The following SLC1A7 variants were observed in gnomAD, a reference collection of about 807,000 sequenced individuals.
The protein encoded by SLC1A7 is excitatory amino acid transporter 5.
In SLC1A7, 40 loss-of-function variants were observed where a neutral mutation model predicts 47.7. The ratio of observed to expected loss-of-function variants is 0.84; its 90% confidence interval spans 0.65 to 1.09. The LOEUF (loss-of-function observed/expected upper bound fraction) is 1.09. Ranked by LOEUF, SLC1A7 falls within the 50% of genes least tolerant of loss-of-function variation. SLC1A7 has a pLI of 0.00. For missense variants in SLC1A7, 746 were observed against 769.5 expected (o/e 0.97, Z 0.36); for synonymous variants, 323 against 325.6 (o/e 0.99, Z 0.09).
chr1:53,117,152 T>C lies in SLC1A7; in HGVS notation c.216-2179A>G, dbSNP rs986592759. On this transcript the variant is annotated intron_variant, in intron 2 of 10. Coordinates refer to ENST00000371494, the MANE Select transcript of SLC1A7 (RefSeq NM_006671.6). ...TTGGAAATGGGAGAGGATTTGGAGA[T>C]GGGGCAGACATGCGCAGCAGTGAGA... is the stretch of plus-strand genomic sequence containing the variant. Among the ~76,000 whole-genome samples, 5 of 152,164 alleles carry C rather than the reference T, an allele frequency of 3.3e-5. No individual in the cohort carries two copies. In the East Asian group the frequency reaches 9.7e-4, roughly 29 times the overall value.
chr1:53,141,391 C>T (rs1645054905), intron 1 of SLC1A7, among the ~76,000 whole-genome samples: 1 of 152,038 alleles, frequency 6.6e-6, no homozygotes, highest in Non-Finnish European at 1.5e-5. Context: ...CATCTCTCTC[C>T]CCAGGAGGTC....
At chr1:53,106,933 T>C (rs1644649023) in intron 3 of SLC1A7, among the ~76,000 whole-genome samples, 1 of 152,070 alleles carries the variant, frequency 6.6e-6, no homozygotes, top group African/African-American at 2.4e-5. Context: ...GGTGGGCACA[T>C]CACCTGAGGT....
intron 2 of SLC1A7, among the ~76,000 whole-genome samples, chr1:53,129,510 A>ATG (rs1344729285): frequency 0.022 from 2,256 of 100,730 alleles, 11 homozygotes; most frequent in Middle Eastern, 0.038. Context: ...AGTTGGACTG[A>ATG]AGCACACATG....
At chr1:53,101,113 TCACA>T (rs931315860) in intron 5 of SLC1A7, among the ~76,000 whole-genome samples, 1 of 148,518 alleles carries the variant, frequency 6.7e-6, no homozygotes, top group Non-Finnish European at 1.5e-5. Flanking sequence ...CTCGTTACAC[TCACA>T]CACACTGCCG....
chr1:53,120,253 C>G (rs891366934), intron 2 of SLC1A7, among the ~76,000 whole-genome samples: 1 of 152,146 alleles, frequency 6.6e-6, no homozygotes, highest in Non-Finnish European at 1.5e-5. Flanking sequence ...ACTCCTGACC[C>G]CATCTCACAC....
At chr1:53,094,961 C>T (rs1035916531) in intron 5 of SLC1A7, among the ~76,000 whole-genome samples, 5 of 152,238 alleles carry the variant, frequency 3.3e-5, no homozygotes, top group Non-Finnish European at 7.3e-5. Context: ...GAAAGCCCTG[C>T]TCGGAGCCGC....
At position 53,109,238 on chromosome 1, in the gene SLC1A7, G is replaced by T. The variant is rs116226089; in HGVS notation, c.432-3464C>A. 7.7e-3 allele frequency among the ~76,000 whole-genome samples: 1,171 copies of T among 152,004 alleles called. 5 individuals carry two copies. Among genetic ancestry groups the T allele is most frequent in the Non-Finnish European group, 0.012 (787 of 67,986 alleles). On this transcript the variant is annotated intron_variant, in intron 3 of 10. Transcript: ENST00000371494. ...AAACCAAGCCCTAAAGGTGGGAATT[G>T]TTCCTTCCCAAGCACAGCTCCTGGA...
At chr1:53,122,011 C>T (rs1644831480) in intron 2 of SLC1A7, among the ~76,000 whole-genome samples, 1 of 150,416 alleles carries the variant, frequency 6.6e-6, no homozygotes, top group Non-Finnish European at 1.5e-5. Context: ...TTGCGGGGAG[C>T]AGCTGGGGGG....
chr1:53,094,546 T>G (rs1476794616), intron 5 of SLC1A7, among the ~76,000 whole-genome samples: 1 of 152,192 alleles, frequency 6.6e-6, no homozygotes, highest in Admixed American at 6.5e-5. Context: ...AAGGGCTCTT[T>G]CCCTGTCCTG....
At chr1:53,110,197 C>A (rs1362519984) in intron 3 of SLC1A7, among the ~76,000 whole-genome samples, 1 of 152,174 alleles carries the variant, frequency 6.6e-6, no homozygotes, top group Non-Finnish European at 1.5e-5. Context: ...CAGAGCTAGA[C>A]GGGATCTTGA....
At chr1:53,121,221 T>C (rs1430929692) in intron 2 of SLC1A7, among the ~76,000 whole-genome samples, 2 of 152,214 alleles carry the variant, frequency 1.3e-5, no homozygotes, top group Non-Finnish European at 1.5e-5. Flanking sequence ...GCAGGGTTGC[T>C]GATGTGTGTG....
chr1:53,105,786 A>C lies in SLC1A7; in HGVS notation c.432-12T>G. The C allele has an allele frequency of 6.2e-7, 1 of 1,612,708 alleles. No homozygotes were observed. The highest frequency in any genetic ancestry group is 1.3e-5 in the African/African-American group (1 of 74,910). On this transcript the variant is annotated splice_polypyrimidine_tract_variant and intron_variant, in intron 3 of 10. Coordinates refer to ENST00000371494, the MANE Select transcript of SLC1A7 (RefSeq NM_006671.6). ...CTGGGAACATGTTCCTAGGAAGAGA[A>C]TCAGCAATTGAAAAATTCCAGAGCC... is the stretch of plus-strand genomic sequence containing the variant.
intron 1 of SLC1A7, among the ~76,000 whole-genome samples, chr1:53,140,606 T>C (rs1330837062): frequency 6.6e-6 from 1 of 152,202 alleles, no homozygotes; most frequent in East Asian, 1.9e-4. Flanking sequence ...GATGAGATGG[T>C]TCCTGATGTA....
chr1:53,111,162 C>A (rs1194834233), intron 3 of SLC1A7, among the ~76,000 whole-genome samples: 1 of 152,030 alleles, frequency 6.6e-6, no homozygotes, highest in Non-Finnish European at 1.5e-5. Flanking sequence ...AGAGGCAGAG[C>A]CTGGGAGGTC....
In SLC1A7 at chr1:53,134,219, A is replaced by C. The variant is rs561040808; in HGVS notation, c.215+131T>G. The C allele has an allele frequency of 4.8e-4, 291 of 608,160 alleles. 1 individual carries two copies. In the African/African-American group the frequency reaches 5.1e-3, roughly 11 times the overall value. 37.7% of individuals were successfully genotyped at this position (608,160 alleles called of 1,614,324 possible). Reference sequence around the variant, plus strand: ...CGGCAGCCCACGGCACTGCCCATAAAGGCCCCACGGTCACACTCATCCCAG... The same window carrying C: ...CGGCAGCCCACGGCACTGCCCATAACGGCCCCACGGTCACACTCATCCCAG... On this transcript the variant is annotated intron_variant, in intron 2 of 10. Coordinates refer to ENST00000371494, the MANE Select transcript of SLC1A7 (RefSeq NM_006671.6).
chr1:53,095,802 C>T (rs1644481003), intron 5 of SLC1A7, among the ~76,000 whole-genome samples: 1 of 150,108 alleles, frequency 6.7e-6, no homozygotes, highest in Non-Finnish European at 1.5e-5. Context: ...GGTACATTCA[C>T]CCCGACTTGG....
At chr1:53,107,153 T>TTA (rs1644652176) in intron 3 of SLC1A7, among the ~76,000 whole-genome samples, 1 of 24,334 alleles carries the variant, frequency 4.1e-5, no homozygotes, top group Non-Finnish European at 1.0e-4. Flanking sequence ...AGACTCTGAC[T>TTA]AAAAAAAAAA....
chr1:53,093,596 G>C (rs1644450743), intron 5 of SLC1A7, 36 bp from the exon 6 acceptor site: 1 of 1,527,808 alleles, frequency 6.5e-7, no homozygotes, highest in Non-Finnish European at 8.9e-7. Context: ...GGTAAAGCAG[G>C]GACAGACCCA....
chr1:53,111,911 G>A (rs1572327090), intron 3 of SLC1A7, among the ~76,000 whole-genome samples: 1 of 152,172 alleles, frequency 6.6e-6, no homozygotes, highest in African/African-American at 2.4e-5. Context: ...TGACAGCCAC[G>A]CGATAGGAAC....
Sources: allele counts gnomAD v4.1 joint callset (sites outside exome capture counted in the v4.1 genomes callset), GRCh38; gene constraint gnomAD v4.1.1; transcripts MANE v1.5; gene names NCBI Gene and HGNC (gene_info 2026-07-23, HGNC 2026-07-21).